UPP2: variants seen among roughly 807,000 people sequenced by gnomAD.
UPP2 encodes uridine phosphorylase 2.
A neutral mutation model predicts 26.7 loss-of-function variants in UPP2; 23 were observed. The ratio of observed to expected loss-of-function variants is 0.86; its 90% CI spans 0.62 to 1.22. The LOEUF is 1.22. Ranked by LOEUF, UPP2 falls within the 50% of genes most tolerant of loss-of-function variation. The pLI, the probability that UPP2 is intolerant of heterozygous loss-of-function variation, is 0.00. For missense variants in UPP2, 387 were observed against 396.7 expected, an observed-to-expected ratio of 0.98 and a Z score of 0.21; for synonymous variants, 127 against 141.3, an observed-to-expected ratio of 0.90 and a Z score of 0.72.
At chr2:158,083,631 C>T (rs1341049217) in intron 3 of UPP2, among the ~76,000 whole-genome samples, 1 of 151,782 alleles carries the variant, frequency 6.6e-6, no homozygotes, top group Admixed American at 6.6e-5. Context: ...GTGCAGCAAA[C>T]CACCATGGCA....
At chr2:158,044,297 CAT>C (rs1269536096) in intron 3 of UPP2, among the ~76,000 whole-genome samples, 1 of 152,058 alleles carries the variant, frequency 6.6e-6, no homozygotes, top group Non-Finnish European at 1.5e-5. Context: ...GCAAGTTGAC[CAT>C]AGTGGGAAAT....
upstream of UPP2, among the ~76,000 whole-genome samples, chr2:158,100,232 T>C (rs772931473): frequency 6.6e-6 from 1 of 152,212 alleles, no homozygotes; most frequent in Non-Finnish European, 1.5e-5. Context: ...TGACAATTAC[T>C]TGCCTAAATG....
At chr2:158,005,543 G>A (rs905398821) in intron 2 of UPP2, among the ~76,000 whole-genome samples, 2 of 152,172 alleles carry the variant, frequency 1.3e-5, no homozygotes, top group Non-Finnish European at 1.5e-5. Flanking sequence ...AACAAAGCAC[G>A]AGCTTGAGCT....
chr2:158,125,548 C>A (rs565921757), intron 6 of UPP2, among the ~76,000 whole-genome samples: 1 of 151,952 alleles, frequency 6.6e-6, no homozygotes, highest in African/African-American at 2.4e-5. Context: ...CAGCCTCCCA[C>A]ATAGCTGGAA....
At position 158,117,719 on chromosome 2, in the gene UPP2, T is replaced by C. The variant is rs994792778; in HGVS notation, c.340-105T>C. Reference sequence around the variant, plus strand: ...AGCATTGGCAAAGTCTTAATGATTATGTAAATGTATCTGAGGCCTGTTAAC... The same window carrying C: ...AGCATTGGCAAAGTCTTAATGATTACGTAAATGTATCTGAGGCCTGTTAAC... On this transcript the variant is annotated intron_variant, in intron 3 of 6. Coordinates refer to ENST00000005756, the MANE Select transcript of UPP2 (RefSeq NM_173355.4). The C allele has an allele frequency of 1.4e-5, 12 of 865,824 alleles. No individual in the cohort carries two copies. In the Admixed American group the frequency reaches 1.5e-4, roughly 11 times the overall value. The allele number at this position is 865,824 out of a possible 1,614,324, so 53.6% of individuals were successfully genotyped here.
chr2:158,047,413 G>A (rs1574262163), intron 3 of UPP2, among the ~76,000 whole-genome samples: 1 of 152,330 alleles, frequency 6.6e-6, no homozygotes, highest in East Asian at 1.9e-4. Context: ...CATCAGCTGA[G>A]TTTAAACCTG....
At chr2:158,012,231 A>G (rs1683591159) in intron 2 of UPP2, among the ~76,000 whole-genome samples, 1 of 151,754 alleles carries the variant, frequency 6.6e-6, no homozygotes, top group African/African-American at 2.4e-5. Flanking sequence ...GGAAGTTTCA[A>G]AGGTTCAATA....
intron 3 of UPP2, among the ~76,000 whole-genome samples, chr2:158,049,402 G>C (rs1430431410): frequency 6.6e-6 from 1 of 152,198 alleles, no homozygotes; most frequent in Non-Finnish European, 1.5e-5. Context: ...CATTGGTTAA[G>C]TTCCAAGTGA....
intron 3 of UPP2, among the ~76,000 whole-genome samples, chr2:158,089,328 G>A (rs182666478): frequency 5.0e-4 from 76 of 152,250 alleles, no homozygotes; most frequent in Non-Finnish European, 9.4e-4. Flanking sequence ...CACTCCCACC[G>A]TGCCCCTTTG....
chr2:158,084,329 C>T (rs886459389), intron 3 of UPP2, among the ~76,000 whole-genome samples: 1 of 151,808 alleles, frequency 6.6e-6, no homozygotes, highest in Non-Finnish European at 1.5e-5. Context: ...CTATTCATGT[C>T]CTTAGACCAC....
chr2:158,104,312 C>G (rs1225791956), intron 1 of UPP2, among the ~76,000 whole-genome samples: 1 of 151,606 alleles, frequency 6.6e-6, no homozygotes, highest in Non-Finnish European at 1.5e-5. Flanking sequence ...TTGAATTGGA[C>G]CATAAAGGAA....
rs1194150342 is a variant in UPP2 at position 158,135,757 on chromosome 2, G to A, written c.*867G>A. On this transcript the variant is annotated 3_prime_UTR_variant, in exon 7 of 7. Coordinates refer to ENST00000005756, the MANE Select transcript of UPP2 (RefSeq NM_173355.4). ...GACCGGCCTATTGCCCTACCCGTTT[G>A]ATTCTCTGGGAGGCATGGTGCTCCT... is the stretch of plus-strand genomic sequence containing the variant. 4 of 152,200 alleles carry A rather than the reference G, an allele frequency of 2.6e-5. No individual in the cohort carries two copies. The highest frequency in any genetic ancestry group is 5.9e-5 in the Non-Finnish European group (4 of 68,036). 9.4% of individuals were successfully genotyped at this position (152,200 alleles called of 1,614,324 possible). A position where few individuals can be genotyped will look rare whatever the true frequency, so the allele number is the denominator to read the frequency against.
At chr2:158,103,857 T>C (rs577750468) in intron 1 of UPP2, among the ~76,000 whole-genome samples, 398 of 152,304 alleles carry the variant, frequency 2.6e-3, no homozygotes, top group Non-Finnish European at 4.5e-3. Flanking sequence ...TAGGGATAAA[T>C]TCTTGCCTCA....
chr2:158,039,292 C>T (rs150334266), intron 3 of UPP2, among the ~76,000 whole-genome samples: 2 of 152,274 alleles, frequency 1.3e-5, no homozygotes, highest in African/African-American at 4.8e-5. Context: ...CCTGTGCAAC[C>T]ACTGGCACTA....
At chr2:158,120,318 A>C (rs970220977) in intron 4 of UPP2, among the ~76,000 whole-genome samples, 1 of 152,110 alleles carries the variant, frequency 6.6e-6, no homozygotes, top group Admixed American at 6.5e-5. Context: ...CAATATGTAA[A>C]TAAATGGGTG....
intron 3 of UPP2, among the ~76,000 whole-genome samples, chr2:158,062,248 T>C (rs542078565): frequency 6.6e-6 from 1 of 152,370 alleles, no homozygotes; most frequent in Non-Finnish European, 1.5e-5. Context: ...TATTGAGCAC[T>C]TGAAATGTGG....
intron 3 of UPP2, among the ~76,000 whole-genome samples, chr2:158,085,741 C>G (rs1180652421): frequency 6.6e-6 from 1 of 152,052 alleles, no homozygotes; most frequent in Non-Finnish European, 1.5e-5. Context: ...AATGCTTTTT[C>G]TGCATCTATT....
rs542017259 is a variant in UPP2, at chr2:158,069,534, A to G, written c.148-32506A>G. Among the ~76,000 whole-genome samples the G allele has an allele frequency of 5.3e-5, 8 of 152,282 alleles. No individual in the cohort carries two copies. The South Asian group carries it at 1.7e-3, about 32-fold the overall frequency. ...AGCATCTAGTTCTTGCAGTAAATAC[A>G]GCTTATTTAGTGCCTGGCTTCTACA... On this transcript the variant is annotated intron_variant, in intron 3 of 9. Coordinates refer to the UPP2 transcript ENST00000605860.
intron 3 of UPP2, among the ~76,000 whole-genome samples, chr2:158,061,036 G>A (rs1682344308): frequency 6.6e-6 from 1 of 152,166 alleles, no homozygotes; most frequent in African/African-American, 2.4e-5. Flanking sequence ...CAGTGAACTG[G>A]TAGAAACTTA....
Sources: allele counts gnomAD v4.1 joint callset (sites outside exome capture counted in the v4.1 genomes callset), GRCh38; gene constraint gnomAD v4.1.1; transcripts MANE v1.5; gene names NCBI Gene and HGNC (gene_info 2026-07-23, HGNC 2026-07-21).